The following ADGRL3 variants were observed in gnomAD, a reference collection of about 807,000 sequenced individuals.
ADGRL3 encodes calcium-independent alpha-latrotoxin receptor 3.
In ADGRL3, 62 loss-of-function variants were observed where a neutral mutation model predicts 153.5. The observed-to-expected ratio is 0.40, with a 90% CI of 0.33 to 0.50. The LOEUF (loss-of-function observed/expected upper bound fraction) is 0.50, where lower values mean the gene tolerates loss of function less well. ADGRL3 is among the 20% of genes least tolerant of loss of function. ADGRL3 has a pLI of 0.47. For missense variants in ADGRL3, 1,641 were observed against 1,859.4 expected (o/e 0.88, Z 2.16); for synonymous variants, 710 against 672.5 (o/e 1.06, Z -0.86).
chr4:61,897,016 G>T (rs1346742655), intron 11 of ADGRL3, among the ~76,000 whole-genome samples: 1 of 152,160 alleles, frequency 6.6e-6, no homozygotes, highest in African/African-American at 2.4e-5. Context: ...TCTGAATATA[G>T]TTGGACCATT....
intron 13 of ADGRL3, among the ~76,000 whole-genome samples, chr4:61,923,340 T>C (rs891680743): frequency 3.3e-5 from 5 of 150,758 alleles, no homozygotes; most frequent in African/African-American, 1.2e-4. Context: ...GCCAAATTCT[T>C]CTGTTAATCC....
rs920542793 is a variant in ADGRL3, at chr4:61,686,173, TAA to T, written c.583+9239_583+9240del. 1.1e-4 allele frequency among the ~76,000 whole-genome samples: 17 copies of T among 152,150 alleles called. 1 individual carries two copies. The highest frequency in any genetic ancestry group is 4.1e-4 in the African/African-American group (17 of 41,454). ...TAAATTTCATTCAAAGAAATTTGTA[TAA>T]GTTATTGAAATTGAACCATATAAAC... On this transcript the variant is annotated intron_variant, in intron 6 of 26. Transcript: ENST00000683033.
rs1032737436 is a variant in ADGRL3, at chr4:61,297,751, A to C, written c.-239-85373A>C. Reference sequence around the variant, plus strand: ...AATTATCTCAAGAGATTCTTGTGTTAAATGAAATACCCTCTGGAATGTTAC... The same window carrying C: ...AATTATCTCAAGAGATTCTTGTGTTCAATGAAATACCCTCTGGAATGTTAC... On this transcript the variant is annotated intron_variant, in intron 1 of 26. Coordinates refer to ENST00000683033, the MANE Select transcript of ADGRL3 (RefSeq NM_001387552.1). Among the ~76,000 whole-genome samples the C allele has an allele frequency of 2.6e-5, 4 of 151,828 alleles. No homozygotes were observed. The South Asian group carries it at 8.3e-4, about 32-fold the overall frequency.
intron 21 of ADGRL3, among the ~76,000 whole-genome samples, chr4:62,010,512 A>G (rs2099180606): frequency 6.6e-6 from 1 of 152,184 alleles, no homozygotes. Flanking sequence ...TTTTAAAAAT[A>G]TCTCACCCTA....
chr4:61,551,858 A>G (rs986500316), intron 4 of ADGRL3, among the ~76,000 whole-genome samples: 24 of 152,184 alleles, frequency 1.6e-4, no homozygotes, highest in African/African-American at 5.8e-4. Flanking sequence ...GGCTGAATTT[A>G]TGACTGTAAA....
At chr4:61,589,769 T>C (rs928405467) in intron 5 of ADGRL3, among the ~76,000 whole-genome samples, 1 of 152,066 alleles carries the variant, frequency 6.6e-6, no homozygotes, top group African/African-American at 2.4e-5. Flanking sequence ...ATATGAAATG[T>C]CATTGAGGCA....
chr4:61,247,651 A>G (rs2149398373), intron 1 of ADGRL3, among the ~76,000 whole-genome samples: 2 of 152,166 alleles, frequency 1.3e-5, no homozygotes, highest in South Asian at 4.1e-4. Context: ...ACGGAAGGAT[A>G]CTTGTGATAG....
intron 4 of ADGRL3, among the ~76,000 whole-genome samples, chr4:61,559,383 A>G (rs998089779): frequency 2.0e-5 from 3 of 152,102 alleles, no homozygotes; most frequent in Non-Finnish European, 2.9e-5. Context: ...GTCAGTTGCC[A>G]TTCCTTTGCC....
intron 9 of ADGRL3, among the ~76,000 whole-genome samples, chr4:61,862,429 G>A (rs1405859111): frequency 2.0e-5 from 3 of 152,150 alleles, no homozygotes; most frequent in South Asian, 4.1e-4. Context: ...TTTTTAACTC[G>A]AGTTGTTTGT....
chr4:61,847,827 TAA>T (rs1165335703), intron 9 of ADGRL3, among the ~76,000 whole-genome samples: 1 of 16,996 alleles, frequency 5.9e-5, no homozygotes, highest in South Asian at 1.4e-3. Flanking sequence ...ATATATAATA[TAA>T]AATATATATA....
intron 1 of ADGRL3, among the ~76,000 whole-genome samples, chr4:61,357,231 A>G (rs1404613276): frequency 6.6e-6 from 1 of 152,084 alleles, no homozygotes; most frequent in East Asian, 1.9e-4. Flanking sequence ...TGATTAATAT[A>G]TGTTTTGATT....
intron 4 of ADGRL3, among the ~76,000 whole-genome samples, chr4:61,541,950 C>T (rs977311022): frequency 1.3e-5 from 2 of 151,996 alleles, no homozygotes; most frequent in African/African-American, 4.8e-5. Context: ...GTGACTATCA[C>T]CATGTTTTGT....
chr4:61,235,539 A>T (rs754749862), intron 1 of ADGRL3, among the ~76,000 whole-genome samples: 1 of 152,192 alleles, frequency 6.6e-6, no homozygotes, highest in Admixed American at 6.6e-5. Context: ...TGGGCATAGG[A>T]TGGAGAAAGC....
At chr4:61,790,799 A>G (rs1364691192) in intron 8 of ADGRL3, among the ~76,000 whole-genome samples, 3 of 152,208 alleles carry the variant, frequency 2.0e-5, no homozygotes, top group Non-Finnish European at 4.4e-5. Flanking sequence ...AGGCCTCACA[A>G]TCATGGGAGA....
chr4:61,905,403 A>T (rs767946967), intron 11 of ADGRL3, among the ~76,000 whole-genome samples: 1 of 152,206 alleles, frequency 6.6e-6, no homozygotes, highest in East Asian at 1.9e-4. Flanking sequence ...ATATCACTTT[A>T]TGAACACTTA....
At chr4:61,319,131 T>C (rs1458503149) in intron 1 of ADGRL3, among the ~76,000 whole-genome samples, 1 of 152,154 alleles carries the variant, frequency 6.6e-6, no homozygotes, top group East Asian at 1.9e-4. Context: ...TACACTGAAA[T>C]AGTGCCTTAT....
rs555569545 is a variant in ADGRL3 at position 61,656,363 on chromosome 4, G to A, written c.474-20463G>A. Among the ~76,000 whole-genome samples, 23 of 145,086 alleles carry A rather than the reference G, an allele frequency of 1.6e-4. No individual in the cohort carries two copies. The East Asian group carries it at 2.0e-3, about 12-fold the overall frequency. On this transcript the variant is annotated intron_variant, in intron 5 of 26. Coordinates refer to ENST00000683033, the MANE Select transcript of ADGRL3 (RefSeq NM_001387552.1). ...GTACAATGAAGGTACTTTTTTTTGT[G>A]GGGGGGGTGAAATATACAAAAGCCA...
chr4:61,265,229 G>GA (rs1208016845), intron 1 of ADGRL3, among the ~76,000 whole-genome samples: 7 of 151,444 alleles, frequency 4.6e-5, no homozygotes, highest in African/African-American at 1.7e-4. Context: ...AACAGCTTGG[G>GA]AAAAAAAACC....
At chr4:61,402,718 G>A (rs1175655496) in intron 2 of ADGRL3, among the ~76,000 whole-genome samples, 1 of 152,194 alleles carries the variant, frequency 6.6e-6, no homozygotes, top group Admixed American at 6.5e-5. Context: ...CCCTCCAGCA[G>A]AGTGAAGAAA....
Sources: allele counts gnomAD v4.1 joint callset (sites outside exome capture counted in the v4.1 genomes callset), GRCh38; gene constraint gnomAD v4.1.1; transcripts MANE v1.5; gene names NCBI Gene and HGNC (gene_info 2026-07-23, HGNC 2026-07-21).